MDGA2: variants seen among roughly 807,000 people sequenced by gnomAD.
MDGA2 encodes MAM domain containing glycosylphosphatidylinositol anchor 2.
A neutral mutation model predicts 117.8 loss-of-function variants in MDGA2; 40 were observed. The observed-to-expected ratio is 0.34, with a 90% CI of 0.26 to 0.44. The LOEUF (loss-of-function observed/expected upper bound fraction) is 0.44. Among genes scored for constraint, MDGA2 ranks in the 20% least tolerant of loss-of-function variants. MDGA2 has a pLI of 1.00. For missense variants in MDGA2, 1,123 were observed against 1,250.6 expected, an observed-to-expected ratio of 0.90 and a Z score of 1.54; for synonymous variants, 452 against 439.0, an observed-to-expected ratio of 1.03 and a Z score of -0.37.
intron 1 of MDGA2, among the ~76,000 whole-genome samples, chr14:47,489,129 A>G (rs1180308919): frequency 6.6e-6 from 1 of 152,026 alleles, no homozygotes; most frequent in Admixed American, 6.6e-5. Context: ...TTGTTAGTCT[A>G]TAATAATTTT....
At chr14:47,056,863 C>T (rs1199831578) in intron 7 of MDGA2, among the ~76,000 whole-genome samples, 1 of 152,046 alleles carries the variant, frequency 6.6e-6, no homozygotes, top group East Asian at 1.9e-4. Context: ...CTAAAATTCA[C>T]ATGCATTTTT....
chr14:47,602,024 T>C (rs771070172), intron 1 of MDGA2, among the ~76,000 whole-genome samples: 3 of 152,216 alleles, frequency 2.0e-5, no homozygotes, highest in Non-Finnish European at 2.9e-5. Context: ...GAAACAATGA[T>C]ACATTTATGA....
At chr14:47,548,775 G>A (rs1239936561) in intron 1 of MDGA2, among the ~76,000 whole-genome samples, 1 of 151,994 alleles carries the variant, frequency 6.6e-6, no homozygotes, top group East Asian at 1.9e-4. Context: ...GCACATGCCT[G>A]CGGCCTTCTA....
chr14:46,964,886 C>T (rs1224762843), intron 8 of MDGA2, among the ~76,000 whole-genome samples: 1 of 148,640 alleles, frequency 6.7e-6, no homozygotes, highest in Non-Finnish European at 1.5e-5. Flanking sequence ...ATTCATTATA[C>T]CTAATGGGAA....
intron 3 of MDGA2, among the ~76,000 whole-genome samples, chr14:47,157,913 C>G (rs1883464613): frequency 6.6e-6 from 1 of 151,940 alleles, no homozygotes; most frequent in Admixed American, 6.6e-5. Flanking sequence ...CCCAGCCATG[C>G]AGAACTGTGA....
intron 2 of MDGA2, among the ~76,000 whole-genome samples, chr14:47,279,090 C>G (rs548151267): frequency 6.6e-6 from 1 of 152,096 alleles, no homozygotes; most frequent in South Asian, 2.1e-4. Flanking sequence ...GTATAAATGA[C>G]AGTATACACA....
At chr14:47,307,950 T>A (rs1889509838) in intron 1 of MDGA2, among the ~76,000 whole-genome samples, 1 of 152,112 alleles carries the variant, frequency 6.6e-6, no homozygotes, top group South Asian at 2.1e-4. Context: ...CTTAGTGCGA[T>A]TATAAAGTCA....
intron 3 of MDGA2, among the ~76,000 whole-genome samples, chr14:47,205,348 T>G (rs1594721246): frequency 6.6e-6 from 1 of 152,160 alleles, no homozygotes; most frequent in Admixed American, 6.5e-5. Flanking sequence ...CTATTCTTAC[T>G]TCTCAAAGAG....
At chr14:47,062,396 T>C (rs929419176) in intron 6 of MDGA2, among the ~76,000 whole-genome samples, 23 of 152,010 alleles carry the variant, frequency 1.5e-4, no homozygotes, top group African/African-American at 5.3e-4. Flanking sequence ...GGAGCATCTA[T>C]AGACTTTCTA....
At chr14:47,189,648 A>G (rs1333742950) in intron 3 of MDGA2, among the ~76,000 whole-genome samples, 1 of 152,158 alleles carries the variant, frequency 6.6e-6, no homozygotes, top group African/African-American at 2.4e-5. Flanking sequence ...TTGCTGTTAG[A>G]CAATCATCAT....
At chr14:47,171,732 G>T (rs537308834) in intron 3 of MDGA2, among the ~76,000 whole-genome samples, 6 of 152,338 alleles carry the variant, frequency 3.9e-5, no homozygotes, top group African/African-American at 1.2e-4. Flanking sequence ...GAAGATGGGA[G>T]ATTTCTGCAT....
chr14:47,200,327 A>G (rs2139438011), intron 3 of MDGA2, among the ~76,000 whole-genome samples: 1 of 152,116 alleles, frequency 6.6e-6, no homozygotes, highest in Admixed American at 6.5e-5. Context: ...ATAATTAGAA[A>G]TATTTATTGA....
intron 1 of MDGA2, among the ~76,000 whole-genome samples, chr14:47,350,089 C>T (rs999581569): frequency 6.6e-6 from 1 of 152,184 alleles, no homozygotes; most frequent in Non-Finnish European, 1.5e-5. Flanking sequence ...GCTTGGAATT[C>T]GATTCCCTAT....
intron 3 of MDGA2, among the ~76,000 whole-genome samples, chr14:47,145,458 T>A (rs1222566050): frequency 1.3e-5 from 2 of 152,206 alleles, no homozygotes; most frequent in Non-Finnish European, 2.9e-5. Context: ...TATTCCAGGT[T>A]CTTTTCTTAA....
chr14:47,056,028 C>G (rs1889662912), intron 7 of MDGA2, among the ~76,000 whole-genome samples: 1 of 152,106 alleles, frequency 6.6e-6, no homozygotes, highest in African/African-American at 2.4e-5. Flanking sequence ...AGGGTAGCTT[C>G]CTCTGATCAA....
chr14:47,383,486 A>T (rs1566763160), intron 1 of MDGA2, among the ~76,000 whole-genome samples: 1 of 152,192 alleles, frequency 6.6e-6, no homozygotes, highest in Non-Finnish European at 1.5e-5. Context: ...TCTGTGTGGA[A>T]AGTAAATGAC....
chr14:46,934,005 A>G (rs955411042), intron 9 of MDGA2, among the ~76,000 whole-genome samples: 21 of 151,566 alleles, frequency 1.4e-4, no homozygotes, highest in African/African-American at 4.6e-4. Context: ...TTTTCTCAAA[A>G]TAAGTTTAGT....
intron 1 of MDGA2, among the ~76,000 whole-genome samples, chr14:47,431,339 G>GA (rs1020382589): frequency 6.6e-6 from 1 of 151,778 alleles, no homozygotes; most frequent in Non-Finnish European, 1.5e-5. Flanking sequence ...TAAATTTAGT[G>GA]AAAAAAATTG....
At chr14:47,600,006 G>T (rs1896616743) in intron 1 of MDGA2, among the ~76,000 whole-genome samples, 1 of 152,088 alleles carries the variant, frequency 6.6e-6, no homozygotes, top group Non-Finnish European at 1.5e-5. Flanking sequence ...ACACTATACA[G>T]AATAAAGAAG....
Sources: allele counts gnomAD v4.1 joint callset (sites outside exome capture counted in the v4.1 genomes callset), GRCh38; gene constraint gnomAD v4.1.1; transcripts MANE v1.5; gene names NCBI Gene and HGNC (gene_info 2026-07-23, HGNC 2026-07-21).